Variants in DNAI7 observed in about 807,000 individuals in gnomAD.
DNAI7 encodes dynein axonemal intermediate chain 7, also known as cancer susceptibility 1.
Under a neutral mutation model 86.6 loss-of-function variants are expected in DNAI7, and 78 were observed. The observed-to-expected ratio is 0.90, with a 90% CI of 0.75 to 1.09. The LOEUF is 1.09. DNAI7 is among the 50% of genes least tolerant of loss of function. The pLI is 0.00. For missense variants in DNAI7, 753 were observed against 810.2 expected (o/e 0.93, Z 0.86); for synonymous variants, 274 against 273.0 (o/e 1.00, Z -0.04).
intron 9 of DNAI7, among the ~76,000 whole-genome samples, chr12:25,129,910 C>T (rs1266967217): frequency 6.6e-6 from 1 of 151,956 alleles, no homozygotes; most frequent in Non-Finnish European, 1.5e-5. Context: ...TTACAGGTAC[C>T]TGCCACCATA....
At chr12:25,160,541 TTTAAA>T (rs1212227257) in intron 3 of DNAI7, among the ~76,000 whole-genome samples, 2 of 152,178 alleles carry the variant, frequency 1.3e-5, no homozygotes, top group African/African-American at 4.8e-5. Context: ...CGTCATTCTC[TTTAAA>T]TTAGCCAATC....
chr12:25,144,259 C>T, intron 9 of DNAI7, 106 bp downstream of exon 9: 1 of 935,642 alleles, frequency 1.1e-6, no homozygotes, highest in Non-Finnish European at 1.6e-6. Flanking sequence ...AAAGTGGCTC[C>T]CAGACAATTT....
At chr12:25,174,302 CTTTG>C (rs1948512545) in intron 2 of DNAI7, among the ~76,000 whole-genome samples, 1 of 109,440 alleles carries the variant, frequency 9.1e-6, no homozygotes, top group South Asian at 2.8e-4. Context: ...AGCTATTTAT[CTTTG>C]TTTTTATTGC....
At chr12:25,143,781 A>G (rs1220798613) in intron 9 of DNAI7, among the ~76,000 whole-genome samples, 1 of 152,212 alleles carries the variant, frequency 6.6e-6, no homozygotes, top group Non-Finnish European at 1.5e-5. Flanking sequence ...GCTCTGAGAA[A>G]GTATTACTAA....
At chr12:25,145,531 T>C (rs563401957) in intron 8 of DNAI7, among the ~76,000 whole-genome samples, 1 of 152,336 alleles carries the variant, frequency 6.6e-6, no homozygotes, top group Non-Finnish European at 1.5e-5. Flanking sequence ...GTACTTGACA[T>C]ATTTTACAAT....
At chr12:25,150,589 G>A (rs1393193692) in intron 6 of DNAI7, among the ~76,000 whole-genome samples, 2 of 113,368 alleles carry the variant, frequency 1.8e-5, no homozygotes, top group Non-Finnish European at 3.3e-5. Context: ...GGGAGACAGT[G>A]AGACTCTGTC....
chr12:25,153,904 T>C (rs1592468702), intron 6 of DNAI7, among the ~76,000 whole-genome samples: 2 of 152,356 alleles, frequency 1.3e-5, no homozygotes, highest in Middle Eastern at 3.4e-3. Context: ...GTTAGAATAT[T>C]CTGATTTGTC....
At chr12:25,163,668 T>G (rs1314373040) in intron 2 of DNAI7, among the ~76,000 whole-genome samples, 1 of 152,136 alleles carries the variant, frequency 6.6e-6, no homozygotes, top group Non-Finnish European at 1.5e-5. Context: ...CCTTGGGAGA[T>G]CAATCCCCTG....
chr12:25,150,679 CA>C (rs1275546249), intron 6 of DNAI7, among the ~76,000 whole-genome samples: 2 of 149,180 alleles, frequency 1.3e-5, no homozygotes, highest in Non-Finnish European at 3.0e-5. Flanking sequence ...AAGAACACAA[CA>C]TAACCTATGA....
Position 25,108,471 on chromosome 12 carries a change from T to A in DNAI7, c.*77A>T, listed in dbSNP as rs536153491. On this transcript the variant is annotated 3_prime_UTR_variant, in exon 16 of 16. Coordinates refer to ENST00000395987, the MANE Select transcript of DNAI7 (RefSeq NM_018272.5). Reference sequence around the variant, plus strand: ...GATTTGAAATGTATTCATTCACTCATTACATTGTGTTGCAGAAATACCTGT... The same window carrying A: ...GATTTGAAATGTATTCATTCACTCAATACATTGTGTTGCAGAAATACCTGT... 8.2e-7 allele frequency: 1 copy of A among 1,225,584 alleles called. No individual in the cohort carries two copies. Among genetic ancestry groups the A allele is most frequent in the South Asian group, 1.6e-5 (1 of 62,744 alleles). The allele number at this position is 1,225,584 out of a possible 1,614,324, so 75.9% of individuals were successfully genotyped here.
chr12:25,137,455 T>G (rs1013894569), intron 9 of DNAI7, among the ~76,000 whole-genome samples: 1 of 152,096 alleles, frequency 6.6e-6, no homozygotes, highest in Non-Finnish European at 1.5e-5. Context: ...ACAGGGCCTA[T>G]AAAACAATAA....
intron 7 of DNAI7, among the ~76,000 whole-genome samples, chr12:25,149,341 G>C (rs1945229595): frequency 6.6e-6 from 1 of 152,118 alleles, no homozygotes; most frequent in South Asian, 2.1e-4. Flanking sequence ...TACTTTGGGA[G>C]GCCAAGGAAG....
chr12:25,162,518 T>TC (rs749458221), intron 2 of DNAI7, among the ~76,000 whole-genome samples: 4 of 152,198 alleles, frequency 2.6e-5, no homozygotes, highest in East Asian at 3.8e-4. Context: ...AAGAGCACCA[T>TC]CTACATTTAA....
chr12:25,138,775 T>C lies in DNAI7; in HGVS notation c.1002+5590A>G, dbSNP rs186471261. ...ACTCTGAAAGAGCACAAATAGAAAATCTGAAGACACACCTCAAGGAACTAG... is the reference window on the plus strand; with the variant it reads ...ACTCTGAAAGAGCACAAATAGAAAACCTGAAGACACACCTCAAGGAACTAG... On this transcript the variant is annotated intron_variant, in intron 9 of 15. Coordinates refer to ENST00000395987, the MANE Select transcript of DNAI7 (RefSeq NM_018272.5). 4.9e-5 allele frequency among the ~76,000 whole-genome samples: 7 copies of C among 142,480 alleles called. No homozygotes were observed. The East Asian group carries it at 1.5e-3, about 30-fold the overall frequency. The allele number at this position is 142,480 out of a possible 152,430, so 93.5% of individuals were successfully genotyped here. A position where few individuals can be genotyped will look rare whatever the true frequency, so the allele number is the denominator to read the frequency against.
chr12:25,154,527 G>A (rs1241650144), intron 5 of DNAI7, 71 bp from the exon 6 acceptor site: 2 of 1,517,340 alleles, frequency 1.3e-6, no homozygotes, highest in Non-Finnish European at 1.8e-6. Context: ...CTTCTTTTTT[G>A]AAGGTGAATT....
chr12:25,113,199 C>A (rs1337475110), intron 13 of DNAI7, among the ~76,000 whole-genome samples: 1 of 152,118 alleles, frequency 6.6e-6, no homozygotes, highest in Non-Finnish European at 1.5e-5. Flanking sequence ...GGAGGGTAGA[C>A]CAGAAGCATT....
At chr12:25,153,932 T>C (rs951015690) in intron 6 of DNAI7, among the ~76,000 whole-genome samples, 1 of 152,202 alleles carries the variant, frequency 6.6e-6, no homozygotes, top group African/African-American at 2.4e-5. Flanking sequence ...CCCCACTGTC[T>C]AACAGAGTGT....
intron 2 of DNAI7, among the ~76,000 whole-genome samples, chr12:25,179,579 A>G (rs2141262977): frequency 6.6e-6 from 1 of 152,194 alleles, no homozygotes; most frequent in Admixed American, 6.5e-5. Flanking sequence ...TTAAAATTAG[A>G]TTTCCTTGGC....
intron 2 of DNAI7, among the ~76,000 whole-genome samples, chr12:25,175,496 G>A (rs986027253): frequency 5.3e-5 from 8 of 152,030 alleles, no homozygotes; most frequent in African/African-American, 7.2e-5. Flanking sequence ...ACAGGTGCCT[G>A]CCGCCACTCC....
Sources: gnomAD v4.1 joint callset for allele counts (sites outside exome capture counted in the v4.1 genomes callset) on GRCh38, gnomAD v4.1.1 for gene constraint, MANE v1.5 for transcripts, NCBI Gene and HGNC (gene_info 2026-07-23, HGNC 2026-07-21) for gene names.